Variants in OSBPL9 observed in about 807,000 individuals in gnomAD.
The protein encoded by OSBPL9 is oxysterol binding protein like 9.
Under a neutral mutation model 106.6 loss-of-function variants are expected in OSBPL9, and 40 were observed. The ratio of observed to expected loss-of-function variants is 0.38; its 90% confidence interval spans 0.29 to 0.49. OSBPL9 has a LOEUF of 0.49. OSBPL9 is among the 20% of genes least tolerant of loss of function. OSBPL9 has a pLI of 0.97. For synonymous variants in OSBPL9, 269 were observed against 295.4 expected (o/e 0.91, Z 0.92); for missense variants, 609 against 887.2 (o/e 0.69, Z 3.98).
At chr1:51,627,179 T>C (rs1211447598) in intron 1 of OSBPL9, among the ~76,000 whole-genome samples, 1 of 152,098 alleles carries the variant, frequency 6.6e-6, no homozygotes, top group African/African-American at 2.4e-5. Context: ...CTTTTTTTAT[T>C]TGTAGAGGAT....
intron 9 of OSBPL9, among the ~76,000 whole-genome samples, chr1:51,759,209 T>C (rs1670992538): frequency 6.6e-6 from 1 of 152,094 alleles, no homozygotes; most frequent in African/African-American, 2.4e-5. Flanking sequence ...ACTATTTTAG[T>C]GACAAGAATC....
chr1:51,691,854 A>G (rs1222073387), intron 3 of OSBPL9, among the ~76,000 whole-genome samples: 1 of 151,998 alleles, frequency 6.6e-6, no homozygotes, highest in East Asian at 1.9e-4. Context: ...TTCTGCCTCC[A>G]CATCTTGTCC....
chr1:51,539,432 A>G, the OSBPL9 span, among the ~76,000 whole-genome samples: 1 of 152,140 alleles, frequency 6.6e-6, no homozygotes, highest in Non-Finnish European at 1.5e-5. Flanking sequence ...GTCATCTCTT[A>G]CCCAGGCTAC....
At chr1:51,678,879 A>G (rs1005197411) in intron 3 of OSBPL9, among the ~76,000 whole-genome samples, 1 of 152,178 alleles carries the variant, frequency 6.6e-6, no homozygotes, top group Non-Finnish European at 1.5e-5. Flanking sequence ...AGGCTTAAAG[A>G]TCTTCTGCTA....
intron 1 of OSBPL9, among the ~76,000 whole-genome samples, chr1:51,587,404 C>T (rs902695842): frequency 1.3e-5 from 2 of 152,252 alleles, no homozygotes; most frequent in Admixed American, 1.3e-4. Context: ...GAAACTCGAA[C>T]ACCCATTTCC....
intron 4 of OSBPL9, among the ~76,000 whole-genome samples, chr1:51,716,282 T>C (rs983835028): frequency 7.2e-5 from 11 of 152,308 alleles, no homozygotes; most frequent in African/African-American, 1.9e-4. Context: ...TGTAGTGAAG[T>C]GTGGTAAAGA....
chr1:51,658,423 A>G (rs919229500), intron 2 of OSBPL9, among the ~76,000 whole-genome samples: 2 of 152,154 alleles, frequency 1.3e-5, no homozygotes, highest in African/African-American at 4.8e-5. Flanking sequence ...CAGATTCTGA[A>G]GAATTCTAAA....
Position 51,784,256 on chromosome 1 carries a change from C to T in OSBPL9, c.1625-8C>T, listed in dbSNP as rs184573425. The T allele has an allele frequency of 1.9e-6, 3 of 1,613,272 alleles. No homozygotes were observed. Among genetic ancestry groups the T allele is most frequent in the South Asian group, 2.2e-5 (2 of 91,046 alleles). ...ACTCATCAGAGATTCTGTCCCTTCT[C>T]TCCACAGGCTGTGTCTCATGTCTAG... On this transcript the variant is annotated splice_region_variant and splice_polypyrimidine_tract_variant and intron_variant, in intron 18 of 23. Coordinates refer to ENST00000428468, the MANE Select transcript of OSBPL9 (RefSeq NM_024586.6).
At chr1:51,605,692 T>C (rs901767585) in intron 2 of OSBPL9, among the ~76,000 whole-genome samples, 3 of 152,104 alleles carry the variant, frequency 2.0e-5, no homozygotes, top group Non-Finnish European at 4.4e-5. Flanking sequence ...AGAAATATGA[T>C]TGGCTCTCAG....
chr1:51,580,578 G>A (rs1220372361), intron 1 of OSBPL9, among the ~76,000 whole-genome samples: 2 of 151,894 alleles, frequency 1.3e-5, no homozygotes, highest in South Asian at 2.1e-4. Flanking sequence ...AAGAATATAG[G>A]CTTTTCACTT....
At chr1:51,631,448 G>C (rs979159298) in intron 1 of OSBPL9, among the ~76,000 whole-genome samples, 22 of 152,068 alleles carry the variant, frequency 1.4e-4, no homozygotes, top group Admixed American at 1.3e-3. Flanking sequence ...GGCTGAGGCA[G>C]GAAGATCGCT....
At chr1:51,683,150 C>T (rs1363656049) in intron 3 of OSBPL9, among the ~76,000 whole-genome samples, 1 of 151,980 alleles carries the variant, frequency 6.6e-6, no homozygotes. Context: ...GCTGGGACTA[C>T]AGGCGTGAAC....
At chr1:51,679,975 C>A (rs1652146038) in intron 3 of OSBPL9, among the ~76,000 whole-genome samples, 1 of 152,022 alleles carries the variant, frequency 6.6e-6, no homozygotes, top group Non-Finnish European at 1.5e-5. Flanking sequence ...TTCAGGCATC[C>A]ACAGGGGGTC....
intron 1 of OSBPL9, among the ~76,000 whole-genome samples, chr1:51,644,993 A>G (rs1332327201): frequency 6.6e-6 from 1 of 152,162 alleles, no homozygotes; most frequent in Admixed American, 6.5e-5. Context: ...GTGGGGGCTA[A>G]TGGAAAGTGT....
intron 3 of OSBPL9, among the ~76,000 whole-genome samples, chr1:51,713,225 C>T (rs965703823): frequency 4.6e-5 from 7 of 152,254 alleles, no homozygotes; most frequent in African/African-American, 1.7e-4. Context: ...TCTTGGCTCG[C>T]TGCAACCTCC....
chr1:51,722,284 C>G (rs1335407919), intron 4 of OSBPL9, among the ~76,000 whole-genome samples: 1 of 152,196 alleles, frequency 6.6e-6, no homozygotes, highest in Non-Finnish European at 1.5e-5. Context: ...TTTGGCAACT[C>G]AAGCATTTTC....
the OSBPL9 span, among the ~76,000 whole-genome samples, chr1:51,544,297 G>A: frequency 1.3e-5 from 2 of 152,076 alleles, no homozygotes; most frequent in Non-Finnish European, 2.9e-5. Context: ...GAGCTTGACA[G>A]TTCAAAAGTT....
chr1:51,789,179 A>ATT lies in OSBPL9; in HGVS notation c.*1390_*1391insTT. On this transcript the variant is annotated 3_prime_UTR_variant, in exon 24 of 24. Coordinates refer to ENST00000428468, the MANE Select transcript of OSBPL9 (RefSeq NM_024586.6). ...AGTAGTATAACTAACTCCATAAAAT[A>ATT]CAAACAAACACATTTTAAAATACAC... 1 of 1,517,082 alleles carries ATT rather than the reference A, an allele frequency of 6.6e-7. No individual in the cohort carries two copies. The allele number at this position is 1,517,082 out of a possible 1,614,324, so 94.0% of individuals were successfully genotyped here.
At chr1:51,580,020 A>G (rs1557574213) in intron 1 of OSBPL9, among the ~76,000 whole-genome samples, 1 of 152,098 alleles carries the variant, frequency 6.6e-6, no homozygotes. Flanking sequence ...TCTGAGATCC[A>G]TGTTTGCCTC....
Sources: allele counts gnomAD v4.1 joint callset (sites outside exome capture counted in the v4.1 genomes callset), GRCh38; gene constraint gnomAD v4.1.1; transcripts MANE v1.5; gene names NCBI Gene and HGNC (gene_info 2026-07-23, HGNC 2026-07-21).